Variants in MYH3 observed in about 807,000 individuals in gnomAD.
MYH3 encodes the protein myosin heavy chain 3.
In MYH3, 130 loss-of-function variants were observed where a neutral mutation model predicts 238.0. The observed-to-expected ratio is 0.55, with a 90% CI of 0.47 to 0.63. The LOEUF is 0.63. MYH3 is among the 30% of genes least tolerant of loss of function. The pLI is 0.00. For synonymous variants in MYH3, 880 were observed against 924.1 expected, an observed-to-expected ratio of 0.95 and a Z score of 0.86; for missense variants, 1,853 against 2,374.9, an observed-to-expected ratio of 0.78 and a Z score of 4.57.
chr17:10,663,582 C>A, the MYH3 span, among the ~76,000 whole-genome samples: 3 of 152,050 alleles, frequency 2.0e-5, no homozygotes, highest in African/African-American at 7.3e-5. Context: ...GCCAAGTCGA[C>A]AGACATCAGA....
chr17:10,651,378 C>T (rs1271304709), intron 5 of MYH3, 134 bp downstream of exon 5: 4 of 1,519,138 alleles, frequency 2.6e-6, no homozygotes, highest in African/African-American at 1.4e-5. Context: ...CCCTTTCTGC[C>T]TCTTTTGGCT....
At chr17:10,674,447 C>CA in the MYH3 span, 12 of 286,872 alleles carry the variant, frequency 4.2e-5, no homozygotes, top group South Asian at 1.3e-4. Flanking sequence ...AACAAACAAA[C>CA]AAAAAAACAG....
rs373296809 is a variant in MYH3 at position 10,636,697 on chromosome 17, C to T, written c.3857-844G>A. On this transcript the variant is annotated intron_variant, in intron 28 of 40. Coordinates refer to ENST00000583535, the MANE Select transcript of MYH3 (RefSeq NM_002470.4). ...TTGGGAGGCCGACGCAGGCGGATCACGAGGTCAGGAGTTCAAGACCAGCCT... is the reference window on the plus strand; with the variant it reads ...TTGGGAGGCCGACGCAGGCGGATCATGAGGTCAGGAGTTCAAGACCAGCCT... Among the ~76,000 whole-genome samples, 34 of 152,170 alleles carry T rather than the reference C, an allele frequency of 2.2e-4. 1 individual carries two copies. In the East Asian group the frequency reaches 2.9e-3, roughly 13 times the overall value.
chr17:10,638,679 A>G (rs1431951171), intron 26 of MYH3, among the ~76,000 whole-genome samples, 194 bp downstream of exon 26: 6 of 152,218 alleles, frequency 3.9e-5, no homozygotes, highest in Non-Finnish European at 8.8e-5. Flanking sequence ...AAATACTTTA[A>G]TTATGGATTA....
At chr17:10,647,919 C>T (rs764633824) in intron 8 of MYH3, among the ~76,000 whole-genome samples, 12 of 151,958 alleles carry the variant, frequency 7.9e-5, no homozygotes, top group Non-Finnish European at 1.5e-4. Context: ...TTCCTTATTT[C>T]CTTTTATTTA....
intron 3 of MYH3, among the ~76,000 whole-genome samples, chr17:10,652,797 A>G (rs1488550848): frequency 6.6e-6 from 1 of 150,698 alleles, no homozygotes; most frequent in Non-Finnish European, 1.5e-5. Flanking sequence ...AATTTTTTTT[A>G]TTTTTAGTAG....
At chr17:10,663,493 G>C in the MYH3 span, among the ~76,000 whole-genome samples, 3 of 152,148 alleles carry the variant, frequency 2.0e-5, no homozygotes, top group African/African-American at 7.2e-5. Context: ...CAAGGGGACA[G>C]GAGGGCCAAA....
chr17:10,651,203 C>A (rs984641545), intron 5 of MYH3, among the ~76,000 whole-genome samples: 16 of 102,610 alleles, frequency 1.6e-4, no homozygotes, highest in Admixed American at 1.8e-4. Flanking sequence ...AAAAAAAAAA[C>A]CAGCCAGTGG....
rs2074364753 is a variant in MYH3 at position 10,650,536 on chromosome 17, G to C, written c.506-135C>G. The C allele has an allele frequency of 6.9e-6, 5 of 729,126 alleles. No individual in the cohort carries two copies. In the South Asian group the frequency reaches 8.4e-5, roughly 12 times the overall value. The allele number at this position is 729,126 out of a possible 1,614,324, so 45.2% of individuals were successfully genotyped here. A position where few individuals can be genotyped will look rare whatever the true frequency, so the allele number is the denominator to read the frequency against. On this transcript the variant is annotated intron_variant, in intron 5 of 40. Transcript: ENST00000583535. ...CATTTTTTGTTTAGCCTTTAGGTGG[G>C]AATCTGAAGAGCCTCCATCTGCTTT...
intron 10 of MYH3, 63 bp from the exon 11 acceptor site, chr17:10,646,095 T>C: frequency 4.3e-6 from 6 of 1,387,862 alleles, no homozygotes; most frequent in Non-Finnish European, 6.1e-6. Flanking sequence ...CCCAGTGGAC[T>C]TGAGCTCCTG....
At chr17:10,672,830 C>G in the MYH3 span, 1 of 152,020 alleles carries the variant, frequency 6.6e-6, no homozygotes, top group Non-Finnish European at 1.5e-5. Context: ...ATTATAGATT[C>G]TGTGTGGTTA....
At chr17:10,657,410 C>T (rs73974809), upstream of MYH3, 5,816 of 152,384 alleles carry the variant, frequency 0.038, 128 homozygotes, top group South Asian at 0.069. Context: ...CCCCCCAAGC[C>T]GAGAACCAGC....
At chr17:10,663,428 C>T in the MYH3 span, among the ~76,000 whole-genome samples, 1 of 152,062 alleles carries the variant, frequency 6.6e-6, no homozygotes, top group South Asian at 2.1e-4. Flanking sequence ...CATGTGGGGC[C>T]CTGTGGAGCA....
the MYH3 span, chr17:10,673,759 C>A: frequency 6.6e-6 from 1 of 152,202 alleles, no homozygotes; most frequent in Non-Finnish European, 1.5e-5. Flanking sequence ...ACAGGGTAAC[C>A]AAGCAGCATC....
At chr17:10,671,126 T>C in the MYH3 span, among the ~76,000 whole-genome samples, 1 of 152,142 alleles carries the variant, frequency 6.6e-6, no homozygotes, top group African/African-American at 2.4e-5. Context: ...ACTCCTGACC[T>C]CAGGTGATCC....
chr17:10,672,952 T>C, the MYH3 span: 13 of 152,106 alleles, frequency 8.5e-5, no homozygotes, highest in Non-Finnish European at 1.3e-4. Context: ...TTAGGTGCAC[T>C]AGTTGGCACT....
the MYH3 span, among the ~76,000 whole-genome samples, chr17:10,663,358 G>A: frequency 1.3e-5 from 2 of 152,314 alleles, no homozygotes; most frequent in South Asian, 4.1e-4. Context: ...GAGAAAGAAT[G>A]TCTCGCGGAA....
rs2074275201 is a variant in MYH3, at chr17:10,641,761, A to G, written c.1960-389T>C. 2.0e-5 allele frequency among the ~76,000 whole-genome samples: 3 copies of G among 152,064 alleles called. 1 individual carries two copies. In the South Asian group the frequency reaches 6.2e-4, roughly 32 times the overall value. ...GATCTTCTGACCTTGTGATCTGCCC[A>G]CCTCGGCCTCCCAAAGTGCTGGGAT... On this transcript the variant is annotated intron_variant, in intron 17 of 40. Transcript: ENST00000583535.
chr17:10,654,544 A>C lies in MYH3; in HGVS notation c.204+317T>G, dbSNP rs931075229. Among the ~76,000 whole-genome samples, 1 of 152,230 alleles carries C rather than the reference A, an allele frequency of 6.6e-6. No homozygotes were observed. The highest frequency in any genetic ancestry group is 2.4e-5 in the African/African-American group (1 of 41,464). On this transcript the variant is annotated intron_variant, in intron 3 of 40. Coordinates refer to ENST00000583535, the MANE Select transcript of MYH3 (RefSeq NM_002470.4). The surrounding 1 kb of genome is among the most constrained non-coding windows in gnomAD (Gnocchi z 4.5). The stretch of plus-strand genomic sequence containing the variant: ...GAGTGTTCTGAAACAGCGCTCATTC[A>C]TGTTGAACTCCCAACTCCACACCCT...
Sources: allele counts gnomAD v4.1 joint callset (sites outside exome capture counted in the v4.1 genomes callset), GRCh38; gene constraint gnomAD v4.1.1; non-coding constraint Gnocchi (gnomAD v3.1); transcripts MANE v1.5; gene names NCBI Gene and HGNC (gene_info 2026-07-23, HGNC 2026-07-21).